The following GNAI1 variants were observed in gnomAD, a reference collection of about 807,000 sequenced individuals.
The protein encoded by GNAI1 is guanine nucleotide-binding protein G(i) subunit alpha-1.
GNAI1 carries 11 observed loss-of-function variants against 38.9 expected under a neutral mutation model. The ratio of observed to expected loss-of-function variants is 0.28; its 90% CI spans 0.18 to 0.47. The LOEUF (loss-of-function observed/expected upper bound fraction) is 0.47, where lower values mean the gene tolerates loss of function less well. Ranked by LOEUF, GNAI1 falls within the 20% of genes least tolerant of loss-of-function variation. The pLI, the probability that GNAI1 is intolerant of heterozygous loss-of-function variation, is 0.99. For synonymous variants in GNAI1, 166 were observed against 145.1 expected (o/e 1.14, Z -1.04); for missense variants, 317 against 436.9 (o/e 0.73, Z 2.45).
rs1432235686 is a variant in GNAI1 at position 80,225,774 on chromosome 7, T to G, written c.*8281T>G. On this transcript the variant is annotated 3_prime_UTR_variant, in exon 8 of 8. Transcript: ENST00000649796. The stretch of plus-strand genomic sequence containing the variant: ...ACTAATCAATACATTTGAAGTTTAC[T>G]AGATTCTCAAACTTTCCATAAGATT... 6.6e-6 allele frequency among the ~76,000 whole-genome samples: 1 copy of G among 152,220 alleles called. No homozygotes were observed. The highest frequency in any genetic ancestry group is 1.5e-5 in the Non-Finnish European group (1 of 68,022).
intron 1 of GNAI1, among the ~76,000 whole-genome samples, chr7:80,174,261 G>A (rs1362174332): frequency 6.6e-6 from 1 of 152,064 alleles, no homozygotes; most frequent in East Asian, 1.9e-4. Context: ...CACTACTCCA[G>A]TATAAACACT....
At chr7:80,171,349 T>C (rs1007099166) in intron 1 of GNAI1, among the ~76,000 whole-genome samples, 1 of 152,276 alleles carries the variant, frequency 6.6e-6, no homozygotes, top group Non-Finnish European at 1.5e-5. Context: ...TGTGAAATAG[T>C]GCAGGGATTT....
rs1789103701 is a variant in GNAI1, at chr7:80,222,916, T to G, written c.*5423T>G. ...TTTAATACACCTAACCTACCAAATGTAGCTTAGCCTGGCCTAACTTAAAGG... is the reference window on the plus strand; with the variant it reads ...TTTAATACACCTAACCTACCAAATGGAGCTTAGCCTGGCCTAACTTAAAGG... On this transcript the variant is annotated 3_prime_UTR_variant, in exon 8 of 8. Transcript: ENST00000649796. Among the ~76,000 whole-genome samples, 1 of 152,146 alleles carries G rather than the reference T, an allele frequency of 6.6e-6. No individual in the cohort carries two copies. The highest frequency in any genetic ancestry group is 6.5e-5 in the Admixed American group (1 of 15,270).
chr7:80,163,436 C>T (rs1787957447), intron 1 of GNAI1, among the ~76,000 whole-genome samples: 1 of 152,166 alleles, frequency 6.6e-6, no homozygotes, highest in African/African-American at 2.4e-5. Flanking sequence ...CTCCATCACT[C>T]CATTGTGTGT....
At chr7:80,208,702 G>GT (rs1335052512) in intron 5 of GNAI1, among the ~76,000 whole-genome samples, 3 of 152,234 alleles carry the variant, frequency 2.0e-5, no homozygotes, top group African/African-American at 7.2e-5. Flanking sequence ...TGGCTTAATA[G>GT]TTCATTCCTC....
At chr7:80,197,442 A>C (rs1189245603) in intron 3 of GNAI1, among the ~76,000 whole-genome samples, 2 of 151,922 alleles carry the variant, frequency 1.3e-5, no homozygotes, top group African/African-American at 2.4e-5. Context: ...TTGTCAAAAA[A>C]CGCTATTGAA....
intron 1 of GNAI1, among the ~76,000 whole-genome samples, chr7:80,151,178 C>T (rs1787719909): frequency 6.6e-6 from 1 of 152,182 alleles, no homozygotes; most frequent in Admixed American, 6.5e-5. Flanking sequence ...TCAGGGAGTG[C>T]CCTTCCACCC....
At chr7:80,159,619 C>T (rs1452435403) in intron 1 of GNAI1, among the ~76,000 whole-genome samples, 1 of 152,112 alleles carries the variant, frequency 6.6e-6, no homozygotes, top group African/African-American at 2.4e-5. Flanking sequence ...TTTCTTTGTG[C>T]TGAGAACATT....
chr7:80,136,752 C>T (rs780036562), intron 1 of GNAI1, among the ~76,000 whole-genome samples: 10 of 152,016 alleles, frequency 6.6e-5, no homozygotes. Flanking sequence ...TGGTGTGATA[C>T]GTTGTTTCAG....
At chr7:80,151,878 C>T (rs1186424961) in intron 1 of GNAI1, among the ~76,000 whole-genome samples, 1 of 152,064 alleles carries the variant, frequency 6.6e-6, no homozygotes, top group African/African-American at 2.4e-5. Context: ...GGGATAAATG[C>T]TAGGGGGTGT....
At chr7:80,160,100 CCT>C (rs1787895112) in intron 1 of GNAI1, among the ~76,000 whole-genome samples, 1 of 152,042 alleles carries the variant, frequency 6.6e-6, no homozygotes, top group African/African-American at 2.4e-5. Context: ...TTCCTTAAAG[CCT>C]CTCTGGGAAG....
At position 80,139,862 on chromosome 7, in the gene GNAI1, A is replaced by T. The variant is rs181727524; in HGVS notation, c.118+4584A>T. 5.4e-5 allele frequency among the ~76,000 whole-genome samples: 8 copies of T among 149,110 alleles called. No homozygotes were observed. The East Asian group carries it at 1.6e-3, about 30-fold the overall frequency. On this transcript the variant is annotated intron_variant, in intron 1 of 7. Coordinates refer to ENST00000649796, the MANE Select transcript of GNAI1 (RefSeq NM_002069.6). The stretch of plus-strand genomic sequence containing the variant: ...GTTGAGAAAATGATAATGGATATTC[A>T]TTGGAGGAGGATCTGCTATGTTGCA...
At chr7:80,203,590 C>G (rs12721455) in intron 4 of GNAI1, 114 bp from the exon 5 acceptor site, 70,008 of 645,060 alleles carry the variant, frequency 0.11, 4,467 homozygotes, top group South Asian at 0.18. Context: ...AATTTAAAAA[C>G]TTTTAGTGAT....
rs1460461202 is a variant in GNAI1 at position 80,172,196 on chromosome 7, A to G, written c.119-16755A>G. Among the ~76,000 whole-genome samples, 8 of 152,302 alleles carry G rather than the reference A, an allele frequency of 5.3e-5. No individual in the cohort carries two copies. In the East Asian group the frequency reaches 1.5e-3, roughly 29 times the overall value. On this transcript the variant is annotated intron_variant, in intron 1 of 7. Coordinates refer to ENST00000649796, the MANE Select transcript of GNAI1 (RefSeq NM_002069.6). Reference sequence around the variant, plus strand: ...ATTTCTATGGCTAGTGAATAGTTGGAGGTTCGTAAAAAGAGGTGAGGCTGA... The same window carrying G: ...ATTTCTATGGCTAGTGAATAGTTGGGGGTTCGTAAAAAGAGGTGAGGCTGA...
intron 1 of GNAI1, among the ~76,000 whole-genome samples, chr7:80,144,300 G>A (rs1396319161): frequency 2.6e-5 from 4 of 151,268 alleles, no homozygotes; most frequent in Non-Finnish European, 5.9e-5. Context: ...AAAAGATGGT[G>A]CCATTTCTCA....
chr7:80,191,174 G>A (rs573892152), intron 3 of GNAI1, among the ~76,000 whole-genome samples: 3 of 151,718 alleles, frequency 2.0e-5, no homozygotes, highest in East Asian at 1.9e-4. Flanking sequence ...ATTGCTTCTC[G>A]TTGGTCTACT....
intron 3 of GNAI1, among the ~76,000 whole-genome samples, chr7:80,191,743 T>C (rs938003659): frequency 1.3e-5 from 2 of 152,188 alleles, no homozygotes; most frequent in Non-Finnish European, 2.9e-5. Context: ...TCTGGAAGTA[T>C]TAACCCTGAG....
chr7:80,209,836 G>A (rs1326967896), intron 5 of GNAI1, among the ~76,000 whole-genome samples: 1 of 152,112 alleles, frequency 6.6e-6, no homozygotes, highest in African/African-American at 2.4e-5. Context: ...TACCAGCTAT[G>A]TTTTTTACAT....
At chr7:80,190,577 G>A (rs1788463951) in intron 3 of GNAI1, among the ~76,000 whole-genome samples, 1 of 151,960 alleles carries the variant, frequency 6.6e-6, no homozygotes, top group Non-Finnish European at 1.5e-5. Context: ...AAATCTACTT[G>A]GAAATGCTAA....
Sources: gnomAD v4.1 joint callset for allele counts (sites outside exome capture counted in the v4.1 genomes callset) on GRCh38, gnomAD v4.1.1 for gene constraint, MANE v1.5 for transcripts, NCBI Gene and HGNC (gene_info 2026-07-23, HGNC 2026-07-21) for gene names.